Variants in HSF1 observed in about 807,000 individuals in gnomAD.
HSF1 encodes the protein heat shock factor protein 1.
A neutral mutation model predicts 51.7 loss-of-function variants in HSF1; 32 were observed. That is an observed-to-expected ratio of 0.62 (90% confidence interval 0.47 to 0.83). HSF1 has a LOEUF of 0.83. Among genes scored for constraint, HSF1 ranks in the 40% least tolerant of loss-of-function variants. The pLI, the probability that HSF1 is intolerant of heterozygous loss-of-function variation, is 0.00. For missense variants in HSF1, 727 were observed against 717.0 expected (o/e 1.01, Z -0.16); for synonymous variants, 396 against 309.7 (o/e 1.28, Z -2.92).
chr8:144,296,822 G>T (rs1815498050), intron 1 of HSF1, among the ~76,000 whole-genome samples: 1 of 144,048 alleles, frequency 6.9e-6, no homozygotes, highest in African/African-American at 2.6e-5. Flanking sequence ...AAAAAAAAAA[G>T]AAGGCACACA....
intron 1 of HSF1, 44 bp from the exon 2 acceptor site, chr8:144,308,862 C>T (rs782533625): frequency 3.3e-6 from 5 of 1,500,170 alleles, no homozygotes; most frequent in South Asian, 1.1e-5. Flanking sequence ...GGGCACGCTG[C>T]CCCTCACCAC....
chr8:144,312,730 G>T (rs756725836), intron 9 of HSF1: 1 of 1,531,674 alleles, frequency 6.5e-7, no homozygotes, highest in Non-Finnish European at 8.7e-7. Context: ...TGACCCCACT[G>T]GGGAGGGAGG....
intron 1 of HSF1, among the ~76,000 whole-genome samples, chr8:144,304,576 G>A (rs1588644318): frequency 2.0e-5 from 3 of 151,504 alleles, no homozygotes; most frequent in Admixed American, 1.3e-4. Context: ...AACTACACCC[G>A]GCCAATATAC....
chr8:144,312,477 C>A, intron 9 of HSF1: 1 of 755,330 alleles, frequency 1.3e-6, no homozygotes, highest in Non-Finnish European at 2.2e-6. Flanking sequence ...CTGCTCTCAG[C>A]CACCCGTCCT....
rs1554844695 is a variant in HSF1, at chr8:144,311,835, A to G, written c.859A>G (p.Arg287Gly). The change falls in exon 8 of 13, where the codon AGG becomes GGG. Residue 287 changes from arginine to glycine, a missense_variant and splice_region_variant. Physicochemically the swap from Arg to Gly is moderately radical, Grantham distance 125. Coordinates refer to ENST00000528838, the MANE Select transcript of HSF1 (RefSeq NM_005526.4). ...MASPGGSIDE[R>G]PLSSSPLVRV... The stretch of plus-strand genomic sequence containing the variant: ...CTCCCCCGGCGGGAGCATAGACGAG[A>G]GGTGGGGGCCGCATCACCCCAGCCA... 2 of 1,603,160 alleles carry G rather than the reference A, an allele frequency of 1.2e-6. No individual in the cohort carries two copies. The highest frequency in any genetic ancestry group is 1.7e-6 in the Non-Finnish European group (2 of 1,175,416).
chr8:144,307,063 G>A (rs1240815206), intron 1 of HSF1, among the ~76,000 whole-genome samples: 1 of 152,144 alleles, frequency 6.6e-6, no homozygotes, highest in African/African-American at 2.4e-5. Flanking sequence ...TCTTTCCTGA[G>A]CACGGGCACG....
At chr8:144,312,651 C>T (rs782215789) in intron 9 of HSF1, 1 of 1,535,434 alleles carries the variant, frequency 6.5e-7, no homozygotes, top group Non-Finnish European at 8.7e-7. Flanking sequence ...CCACAGATGT[C>T]TAGGGTCGCC....
chr8:144,309,433 C>T lies in HSF1; in HGVS notation c.227-22C>T, dbSNP rs1374358500. On this transcript the variant is annotated intron_variant, in intron 2 of 12. Coordinates refer to ENST00000528838, the MANE Select transcript of HSF1 (RefSeq NM_005526.4). ...CTGGTCCCGCCCTGAGGCAGAGCTGCCCCCTTCCCTGTTATGTGCAGATGG... is the reference window on the plus strand; with the variant it reads ...CTGGTCCCGCCCTGAGGCAGAGCTGTCCCCTTCCCTGTTATGTGCAGATGG... 7 of 1,613,354 alleles carry T rather than the reference C, an allele frequency of 4.3e-6. No individual in the cohort carries two copies. The Admixed American group carries it at 1.2e-4, about 27-fold the overall frequency.
intron 10 of HSF1, 94 bp downstream of exon 10, chr8:144,313,710 G>GCCCCGCCT (rs1816933887): frequency 3.4e-5 from 1 of 29,446 alleles, no homozygotes; most frequent in African/African-American, 3.2e-4. Context: ...CCGCGCCGCC[G>GCCCCGCCT]CCCCGCCTCC....
At chr8:144,312,720 T>A (rs1554845263) in intron 9 of HSF1, 1 of 1,534,462 alleles carries the variant, frequency 6.5e-7, no homozygotes, top group Non-Finnish European at 8.7e-7. Context: ...GGGTTAGCGC[T>A]GACCCCACTG....
intron 3 of HSF1, 70 bp downstream of exon 3, chr8:144,309,661 G>C (rs1816469486): frequency 1.9e-6 from 3 of 1,600,038 alleles, no homozygotes; most frequent in Middle Eastern, 1.8e-4. Flanking sequence ...CCTCCCTGAG[G>C]GCTCCCACCC....
At chr8:144,313,686 GCCTCC>G (rs1816920335) in intron 10 of HSF1, 70 bp downstream of exon 10, 15 of 33,644 alleles carry the variant, frequency 4.5e-4, no homozygotes, top group African/African-American at 7.2e-4. Context: ...TCCCCGCCCC[GCCTCC>G]CCGCCTCCCC....
chr8:144,312,949 G>C (rs782715632), intron 9 of HSF1: 7 of 578,164 alleles, frequency 1.2e-5, no homozygotes, highest in Non-Finnish European at 2.2e-5. Context: ...ACGGCCTCTG[G>C]TGTTGGCAGG....
At chr8:144,292,113 C>T (rs1554840499) in intron 1 of HSF1, among the ~76,000 whole-genome samples, 1 of 152,232 alleles carries the variant, frequency 6.6e-6, no homozygotes, top group African/African-American at 2.4e-5. Context: ...AGCGAAGTTT[C>T]CCTGGGATGG....
intron 1 of HSF1, among the ~76,000 whole-genome samples, chr8:144,305,001 G>A (rs1482580827): frequency 6.6e-6 from 1 of 150,656 alleles, no homozygotes; most frequent in Non-Finnish European, 1.5e-5. Context: ...AGGCTGGAGT[G>A]CAGTGGGGTG....
At chr8:144,309,636 C>T in intron 3 of HSF1, 45 bp downstream of exon 3, 2 of 1,607,182 alleles carry the variant, frequency 1.2e-6, no homozygotes, top group Non-Finnish European at 8.5e-7. Flanking sequence ...CCTGCCACAG[C>T]TCTCCCCGCC....
chr8:144,310,907 A>T (rs1210483157), intron 4 of HSF1: 1 of 527,964 alleles, frequency 1.9e-6, no homozygotes, highest in Non-Finnish European at 3.4e-6. Flanking sequence ...GGATGCCAGG[A>T]TCCGGGTGCA....
chr8:144,312,185 T>TTGC lies in HSF1; in HGVS notation c.1083_1084insTGC (p.Pro361_Pro362insCys). 3.3e-6 allele frequency: 5 copies of TTGC among 1,532,852 alleles called. No individual in the cohort carries two copies. Among genetic ancestry groups the TTGC allele is most frequent in the Non-Finnish European group, 3.6e-6 (4 of 1,117,420 alleles). The allele number at this position is 1,532,852 out of a possible 1,614,324, so 95.0% of individuals were successfully genotyped here. A position where few individuals can be genotyped will look rare whatever the true frequency, so the allele number is the denominator to read the frequency against. ...GCCACACGGACACCGAGGGCCGGCC[T>TTGC]CCCTCCCCCCCGCCCACCTCCACCC... On this transcript the variant is annotated inframe_insertion, in exon 9 of 13. Coordinates refer to ENST00000528838, the MANE Select transcript of HSF1 (RefSeq NM_005526.4).
At chr8:144,302,679 T>G (rs1815972116) in intron 1 of HSF1, among the ~76,000 whole-genome samples, 1 of 147,008 alleles carries the variant, frequency 6.8e-6, no homozygotes, top group Admixed American at 6.8e-5. Context: ...AAAATGAGCC[T>G]GATGTGGTGG....
Sources: allele counts gnomAD v4.1 joint callset (sites outside exome capture counted in the v4.1 genomes callset), GRCh38; gene constraint gnomAD v4.1.1; transcripts MANE v1.5; gene names NCBI Gene and HGNC (gene_info 2026-07-23, HGNC 2026-07-21).